Variants in KANSL1L observed in about 807,000 individuals in gnomAD.
KANSL1L encodes the protein KAT8 regulatory NSL complex subunit 1 like, also known as KAT8 regulatory NSL complex subunit 1-like protein.
Under a neutral mutation model 108.6 loss-of-function variants are expected in KANSL1L, and 25 were observed. That is an observed-to-expected ratio of 0.23 (90% CI 0.17 to 0.32). The LOEUF (loss-of-function observed/expected upper bound fraction) is 0.32, where lower values mean the gene tolerates loss of function less well. Among genes scored for constraint, KANSL1L ranks in the 10% least tolerant of loss-of-function variants. KANSL1L has a pLI of 1.00. For missense variants in KANSL1L, 1,137 were observed against 1,125.7 expected (o/e 1.01, Z -0.14); for synonymous variants, 405 against 395.1 (o/e 1.03, Z -0.30).
At chr2:210,171,694 C>T (rs1281792279), upstream of KANSL1L, 1 of 152,056 alleles carries the variant, frequency 6.6e-6, no homozygotes, top group Middle Eastern at 3.2e-3. Flanking sequence ...ACTTCCCACC[C>T]CTGCTTTGCT....
Position 210,154,484 on chromosome 2 carries a change from G to A in KANSL1L, c.99C>T (p.Pro33=), listed in dbSNP as rs1223994324. Residue 33 remains proline, a synonymous_variant, in exon 2 of 15, where the codon CCC becomes CCT. Transcript: ENST00000281772. The stretch of plus-strand genomic sequence containing the variant: ...CCTTTAGCTTTTCATCTACAGTTCT[G>A]GGACTTTCCATGTAGAGCATCTTGT... ...ESDKMLYMES[P]RTVDEKLKGD... 4 of 1,611,992 alleles carry A rather than the reference G, an allele frequency of 2.5e-6. No homozygotes were observed. The East Asian group carries it at 6.7e-5, about 27-fold the overall frequency.
chr2:210,044,274 TAAAAGGGATGTA>T lies in KANSL1L; in HGVS notation c.1756-182_1756-171del, dbSNP rs1167730176. 6.6e-6 allele frequency among the ~76,000 whole-genome samples: 1 copy of T among 152,184 alleles called. No individual in the cohort carries two copies. The highest frequency in any genetic ancestry group is 1.9e-4 in the East Asian group (1 of 5,202). ...ACTTTAATATTTATTAATTCAATCA[TAAAAGGGATGTA>T]AAAATATAATTAACTTTTATATATT... On this transcript the variant is annotated intron_variant, in intron 6 of 14. Transcript: ENST00000281772. This position sits in a 1 kb window ranked among gnomAD's most constrained non-coding sequence, Gnocchi z 4.2.
rs529691583 is a variant in KANSL1L at position 210,021,829 on chromosome 2, G to T, written c.*1120C>A. The T allele has an allele frequency of 7.9e-4, 120 of 151,432 alleles. No individual in the cohort carries two copies. The highest frequency in any genetic ancestry group is 2.7e-3 in the African/African-American group (113 of 41,274). 9.4% of individuals were successfully genotyped at this position (151,432 alleles called of 1,614,324 possible). A position where few individuals can be genotyped will look rare whatever the true frequency, so the allele number is the denominator to read the frequency against. ...AATTTTCTTTCATGTATACTCTTCA[G>T]TATCCAATATTGAAGCTTTGTTCTT... On this transcript the variant is annotated 3_prime_UTR_variant, in exon 15 of 15. Coordinates refer to ENST00000281772, the MANE Select transcript of KANSL1L (RefSeq NM_152519.4).
At chr2:210,072,646 G>T (rs551621625) in intron 6 of KANSL1L, among the ~76,000 whole-genome samples, 1 of 149,988 alleles carries the variant, frequency 6.7e-6, no homozygotes, top group South Asian at 2.1e-4. Context: ...TTCACAATAG[G>T]GTTTGAGTTC....
chr2:210,110,671 A>T (rs2094895047), intron 3 of KANSL1L, among the ~76,000 whole-genome samples: 1 of 152,212 alleles, frequency 6.6e-6, no homozygotes, highest in African/African-American at 2.4e-5. Context: ...GACATGAAAA[A>T]TTTGTTTGAA....
chr2:210,077,299 T>A (rs1164065681), intron 5 of KANSL1L, among the ~76,000 whole-genome samples: 1 of 152,188 alleles, frequency 6.6e-6, no homozygotes, highest in African/African-American at 2.4e-5. Context: ...CTAGCAAGAA[T>A]GCTTTAAGTC....
chr2:210,144,063 T>C (rs2095249060), intron 2 of KANSL1L, among the ~76,000 whole-genome samples: 1 of 152,200 alleles, frequency 6.6e-6, no homozygotes, highest in South Asian at 2.1e-4. Flanking sequence ...GTCTTCTCTC[T>C]CCCTTTCTGA....
intron 6 of KANSL1L, among the ~76,000 whole-genome samples, chr2:210,055,621 G>A (rs2094341703): frequency 6.6e-6 from 1 of 152,152 alleles, no homozygotes; most frequent in Non-Finnish European, 1.5e-5. Context: ...TCCAGGCTGA[G>A]GTGATCTCAG....
chr2:210,027,332 A>AACATCCAAAGG lies in KANSL1L; in HGVS notation c.2414_2415insCCTTTGGATGT (p.Gln806LeufsTer12). The AACATCCAAAGG allele has an allele frequency of 6.2e-7, 1 of 1,612,722 alleles. No homozygotes were observed. The highest frequency in any genetic ancestry group is 1.3e-5 in the African/African-American group (1 of 75,018). ...CTAAATTATATTCATCCAAAGGCTGAAGAACAACCATCCTCCAGCTGTTGA... is the reference window on the plus strand; with the variant it reads ...CTAAATTATATTCATCCAAAGGCTGAACATCCAAAGGAGAACAACCATCCTCCAGCTGTTGA... On this transcript the variant is annotated frameshift_variant, in exon 12 of 15. Transcript: ENST00000281772. LOFTEE classifies it high-confidence loss of function.
chr2:210,043,260 AC>A (rs2094187244), intron 7 of KANSL1L, among the ~76,000 whole-genome samples: 1 of 151,974 alleles, frequency 6.6e-6, no homozygotes, highest in Non-Finnish European at 1.5e-5. Flanking sequence ...GGTGTCATGC[AC>A]CCAAGTAGTT....
intron 3 of KANSL1L, among the ~76,000 whole-genome samples, chr2:210,116,135 T>C (rs2094951699): frequency 6.6e-6 from 1 of 152,100 alleles, no homozygotes; most frequent in African/African-American, 2.4e-5. Context: ...TAGTAAACAT[T>C]GGCCGTAGAC....
intron 8 of KANSL1L, among the ~76,000 whole-genome samples, chr2:210,034,734 A>G (rs1459381118): frequency 6.6e-6 from 1 of 152,228 alleles, no homozygotes; most frequent in East Asian, 1.9e-4. Context: ...CAACTTGGCA[A>G]TTGGTTTAGA....
Position 210,106,168 on chromosome 2 carries a change from A to G in KANSL1L, c.1231-1867T>C, listed in dbSNP as rs552064122. Reference sequence around the variant, plus strand: ...GAAGCAGGGAGAAGAGGAAATTTCAAACCTACTCTCACTAGGTTTCTCCAC... The same window carrying G: ...GAAGCAGGGAGAAGAGGAAATTTCAGACCTACTCTCACTAGGTTTCTCCAC... On this transcript the variant is annotated intron_variant, in intron 3 of 14. Transcript: ENST00000281772. Among the ~76,000 whole-genome samples the G allele has an allele frequency of 3.3e-5, 5 of 152,240 alleles. No homozygotes were observed. The East Asian group carries it at 9.7e-4, about 29-fold the overall frequency.
At chr2:210,117,839 A>T (rs114448791) in intron 3 of KANSL1L, among the ~76,000 whole-genome samples, 2,195 of 152,296 alleles carry the variant, frequency 0.014, 61 homozygotes, top group African/African-American at 0.05. Context: ...CTCTTGATTC[A>T]TACAGCCTAG....
chr2:210,169,336 A>T (rs1242684573), intron 1 of KANSL1L, among the ~76,000 whole-genome samples: 1 of 152,228 alleles, frequency 6.6e-6, no homozygotes, highest in Non-Finnish European at 1.5e-5. Flanking sequence ...TGATAGTTAC[A>T]TGGCGAAATG....
chr2:210,104,403 G>A, intron 3 of KANSL1L, 102 bp from the exon 4 acceptor site: 1 of 781,566 alleles, frequency 1.3e-6, no homozygotes. Context: ...CTTATCTCTT[G>A]GAATTCAGAA....
Position 210,069,905 on chromosome 2 carries a change from G to A in KANSL1L, c.1755+5647C>T, listed in dbSNP as rs184872331. Among the ~76,000 whole-genome samples the A allele has an allele frequency of 3.2e-4, 40 of 124,458 alleles. No homozygotes were observed. In the East Asian group the frequency reaches 7.3e-3, roughly 23 times the overall value. The allele number at this position is 124,458 out of a possible 152,430, so 81.6% of individuals were successfully genotyped here. ...GTGCAGTGGTAGGATCTCTGCTCAC[G>A]GTAACCTCTGCTTTCTGGGTTCAAG... On this transcript the variant is annotated intron_variant, in intron 6 of 14. Transcript: ENST00000281772.
chr2:210,024,306 A>G (rs1050283108), intron 13 of KANSL1L, 105 bp from the exon 14 acceptor site: 2 of 838,442 alleles, frequency 2.4e-6, no homozygotes, highest in Non-Finnish European at 3.5e-6. Context: ...TGGTAACTTT[A>G]AACAGTTTTG....
At chr2:210,128,144 C>T (rs1165562568) in intron 3 of KANSL1L, among the ~76,000 whole-genome samples, 1 of 152,050 alleles carries the variant, frequency 6.6e-6, no homozygotes, top group African/African-American at 2.4e-5. Context: ...GAAATCTGAA[C>T]CTTGTGTACT....
Sources: allele counts gnomAD v4.1 joint callset (sites outside exome capture counted in the v4.1 genomes callset), GRCh38; gene constraint gnomAD v4.1.1; non-coding constraint Gnocchi (gnomAD v3.1); transcripts MANE v1.5; gene names NCBI Gene and HGNC (gene_info 2026-07-23, HGNC 2026-07-21).